Variants in FUT8 observed in about 807,000 individuals in gnomAD.
FUT8 encodes the protein alpha-(1,6)-fucosyltransferase.
A neutral mutation model predicts 71.3 loss-of-function variants in FUT8; 29 were observed. The ratio of observed to expected loss-of-function variants is 0.41; its 90% CI spans 0.30 to 0.55. FUT8 has a LOEUF of 0.55. Ranked by LOEUF, FUT8 falls within the 20% of genes least tolerant of loss-of-function variation. The pLI is 0.34. For missense variants in FUT8, 544 were observed against 702.1 expected (o/e 0.77, Z 2.55); for synonymous variants, 254 against 239.3 (o/e 1.06, Z -0.57).
chr14:65,518,590 A>G (rs1882864402), intron 2 of FUT8, among the ~76,000 whole-genome samples: 1 of 152,074 alleles, frequency 6.6e-6, no homozygotes, highest in Non-Finnish European at 1.5e-5. Context: ...TAGTGGCTTG[A>G]TCTTGGCTCA....
chr14:65,678,242 T>C (rs1324956343), intron 7 of FUT8, among the ~76,000 whole-genome samples: 1 of 152,220 alleles, frequency 6.6e-6, no homozygotes. Context: ...TTAATGAAAC[T>C]CAGAGCTACT....
chr14:65,371,624 T>C, the FUT8 span, among the ~76,000 whole-genome samples: 6 of 152,274 alleles, frequency 3.9e-5, no homozygotes, highest in Admixed American at 3.3e-4. Context: ...GTTACATATT[T>C]TGATGCTCAA....
chr14:65,577,331 A>T (rs1404464100), intron 3 of FUT8, among the ~76,000 whole-genome samples: 2 of 152,148 alleles, frequency 1.3e-5, no homozygotes, highest in African/African-American at 4.8e-5. Flanking sequence ...CAATCTAGTG[A>T]AATGAAAGGC....
chr14:65,407,613 G>A (rs527876879), upstream of FUT8, among the ~76,000 whole-genome samples: 8 of 152,276 alleles, frequency 5.3e-5, no homozygotes, highest in East Asian at 1.9e-4. Flanking sequence ...TATCCAATAC[G>A]TTTTAGTGCT....
At chr14:65,693,579 T>C (rs1274467832) in intron 7 of FUT8, among the ~76,000 whole-genome samples, 1 of 152,140 alleles carries the variant, frequency 6.6e-6, no homozygotes, top group African/African-American at 2.4e-5. Context: ...TTTTTATACA[T>C]TGTTAGGTTT....
chr14:65,528,117 C>G (rs1349805615), intron 2 of FUT8, among the ~76,000 whole-genome samples: 1 of 152,228 alleles, frequency 6.6e-6, no homozygotes, highest in African/African-American at 2.4e-5. Context: ...TTTCTGCTGC[C>G]TTTTGTTCGG....
chr14:65,394,791 C>T, the FUT8 span, among the ~76,000 whole-genome samples: 1 of 135,288 alleles, frequency 7.4e-6, no homozygotes, highest in African/African-American at 2.8e-5. Flanking sequence ...TGCTCTGTTG[C>T]CCAGAGTGCA....
rs907005702 is a variant in FUT8, at chr14:65,508,256, T to C, written c.-228+52538T>C. On this transcript the variant is annotated intron_variant, in intron 2 of 10. Transcript: ENST00000673929. ...CTAATTTTTTGTTTTTGTATTTTAG[T>C]AGAGACAGGGTTTCACCATGTTGCC... 2.0e-5 allele frequency among the ~76,000 whole-genome samples: 3 copies of C among 151,862 alleles called. No individual in the cohort carries two copies. The South Asian group carries it at 6.3e-4, about 32-fold the overall frequency.
In FUT8 at chr14:65,413,087, G is replaced by A. The variant is rs2065161896; in HGVS notation, c.-453G>A. 6.5e-6 allele frequency: 1 copy of A among 152,934 alleles called. No individual in the cohort carries two copies. The highest frequency in any genetic ancestry group is 1.5e-5 in the Non-Finnish European group (1 of 68,286). The allele number at this position is 152,934 out of a possible 1,614,324, so 9.5% of individuals were successfully genotyped here. ...TGTTTCCGTTTCTTCCTCTCCGTTC[G>A]GTCGGGAGTAGCATCCTCCACTCAG... On this transcript the variant is annotated 5_prime_UTR_variant, in exon 1 of 11. Transcript: ENST00000673929. This position sits in a 1 kb window ranked among gnomAD's most constrained non-coding sequence, Gnocchi z 4.1.
intron 2 of FUT8, among the ~76,000 whole-genome samples, chr14:65,531,522 A>G (rs1366532603): frequency 2.0e-5 from 3 of 152,292 alleles, no homozygotes; most frequent in African/African-American, 7.2e-5. Flanking sequence ...ACCTCTGAAG[A>G]GATGAGGGTC....
chr14:65,681,687 C>T (rs1249653472), intron 7 of FUT8, among the ~76,000 whole-genome samples: 1 of 152,132 alleles, frequency 6.6e-6, no homozygotes, highest in Non-Finnish European at 1.5e-5. Flanking sequence ...AGTGAATATA[C>T]TGAGTACTGC....
At position 65,742,495 on chromosome 14, in the gene FUT8, G is replaced by C; in HGVS notation, c.*85G>C. The C allele has an allele frequency of 8.7e-7, 1 of 1,153,818 alleles. No individual in the cohort carries two copies. Among genetic ancestry groups the C allele is most frequent in the Non-Finnish European group, 1.2e-6 (1 of 816,622 alleles). 71.5% of individuals were successfully genotyped at this position (1,153,818 alleles called of 1,614,324 possible). Reference sequence around the variant, plus strand: ...TTCAGCCAAACTGTAGATGAAGAGGGCTCTGATCTAACAAAATAAGGTTAT... The same window carrying C: ...TTCAGCCAAACTGTAGATGAAGAGGCCTCTGATCTAACAAAATAAGGTTAT... On this transcript the variant is annotated 3_prime_UTR_variant, in exon 11 of 11. Transcript: ENST00000673929.
At chr14:65,646,720 A>G (rs1300000691) in intron 6 of FUT8, 1 of 151,196 alleles carries the variant, frequency 6.6e-6, no homozygotes, top group Non-Finnish European at 1.5e-5. Flanking sequence ...CTCTTCCTCT[A>G]TCCCTCCCCT....
rs1166361889 is a variant in FUT8, at chr14:65,574,996, G to A, written c.203+13230G>A. On this transcript the variant is annotated intron_variant, in intron 3 of 10. Transcript: ENST00000673929. This position sits in a 1 kb window ranked among gnomAD's most constrained non-coding sequence, Gnocchi z 5.2. ...ATGGCTTTGGTTACTGGATTCCAAA[G>A]GCCAGTATTCTTTTCTATGAAATGT... is the stretch of plus-strand genomic sequence containing the variant. Among the ~76,000 whole-genome samples, 1 of 152,048 alleles carries A rather than the reference G, an allele frequency of 6.6e-6. No individual in the cohort carries two copies. Among genetic ancestry groups the A allele is most frequent in the Non-Finnish European group, 1.5e-5 (1 of 67,996 alleles).
chr14:65,611,273 A>G (rs796305416), intron 3 of FUT8, among the ~76,000 whole-genome samples: 1 of 55,776 alleles, frequency 1.8e-5, no homozygotes, highest in Non-Finnish European at 3.3e-5. Context: ...ACACACACAC[A>G]CACACACACA....
At position 65,669,347 on chromosome 14, in the gene FUT8, A is replaced by C; in HGVS notation, c.702A>C (p.Ala234=). Residue 234 remains alanine (A), a synonymous_variant, in exon 7 of 11, where the codon GCA becomes GCC. Coordinates refer to ENST00000673929, the MANE Select transcript of FUT8 (RefSeq NM_001371533.1). This position sits in a 1 kb window ranked among gnomAD's most constrained non-coding sequence, Gnocchi z 4.5. ...ATGTGGTCTACTGCTTCATGATTGC[A>C]TATGGCACCCAGCGAACACTCATCT... ...LHHVVYCFMI[A]YGTQRTLILE... is the part of the protein sequence containing the mutation. 1 of 1,613,856 alleles carries C rather than the reference A, an allele frequency of 6.2e-7. No individual in the cohort carries two copies. The highest frequency in any genetic ancestry group is 8.5e-7 in the Non-Finnish European group (1 of 1,179,846).
At position 65,542,935 on chromosome 14, in the gene FUT8, A is replaced by G. The variant is rs367569651; in HGVS notation, c.-227-18402A>G. ...GTAGCTGGGGTTACAGGCATGCGCC[A>G]CCATGCCTGGCTAATTTTGTATTTT... is the stretch of plus-strand genomic sequence containing the variant. On this transcript the variant is annotated intron_variant, in intron 2 of 10. Coordinates refer to ENST00000673929, the MANE Select transcript of FUT8 (RefSeq NM_001371533.1). 1.2e-4 allele frequency among the ~76,000 whole-genome samples: 19 copies of G among 152,248 alleles called. 3 individuals are homozygous for G. The highest frequency in any genetic ancestry group is 4.3e-4 in the African/African-American group (18 of 41,530).
intron 3 of FUT8, among the ~76,000 whole-genome samples, chr14:65,590,512 G>T (rs932428712): frequency 1.3e-5 from 2 of 152,022 alleles, no homozygotes; most frequent in Non-Finnish European, 2.9e-5. Context: ...TGACCAAACT[G>T]GGGGGGAATA....
intron 1 of FUT8, among the ~76,000 whole-genome samples, chr14:65,450,440 T>G (rs1029776337): frequency 2.0e-5 from 3 of 152,248 alleles, no homozygotes; most frequent in Non-Finnish European, 4.4e-5. Context: ...TCTTCCTTTA[T>G]TATGTTCATG....
Sources: allele counts gnomAD v4.1 joint callset (sites outside exome capture counted in the v4.1 genomes callset), GRCh38; gene constraint gnomAD v4.1.1; non-coding constraint Gnocchi (gnomAD v3.1); transcripts MANE v1.5; gene names NCBI Gene and HGNC (gene_info 2026-07-23, HGNC 2026-07-21).